The following WNK1 variants were observed in gnomAD, a reference collection of about 807,000 sequenced individuals.
WNK1 encodes the protein serine/threonine-protein kinase WNK1.
WNK1 carries 38 observed loss-of-function variants against 222.8 expected under a neutral mutation model. The ratio of observed to expected loss-of-function variants is 0.17; its 90% confidence interval spans 0.13 to 0.22. The LOEUF is 0.22. WNK1 is among the 10% of genes least tolerant of loss of function. The pLI, the probability that WNK1 is intolerant of heterozygous loss-of-function variation, is 1.00. For missense variants in WNK1, 2,348 were observed against 2,918.4 expected (o/e 0.80, Z 4.50); for synonymous variants, 1,090 against 1,092.9 (o/e 1.00, Z 0.05).
Position 882,076 on chromosome 12 carries a change from A to G in WNK1, c.3372+3A>G, listed in dbSNP as rs1426580785. 1.9e-6 allele frequency: 3 copies of G among 1,606,366 alleles called. No homozygotes were observed. The highest frequency in any genetic ancestry group is 2.6e-6 in the Non-Finnish European group (3 of 1,175,750). On this transcript the variant is annotated splice_donor_region_variant and intron_variant, in intron 14 of 27. Coordinates refer to ENST00000315939, the MANE Select transcript of WNK1 (RefSeq NM_018979.4). ...GCCCAAAATTAAGAATTTTGAATGT[A>G]AGTATTCCTAATTTGTGAGTTTCAT...
chr12:837,291 G>T (rs1949259245), intron 4 of WNK1, among the ~76,000 whole-genome samples: 1 of 152,140 alleles, frequency 6.6e-6, no homozygotes, highest in Admixed American at 6.5e-5. Flanking sequence ...ACAGCCGTGA[G>T]GGCTGGGCGC....
intron 19 of WNK1, 29 bp from the exon 20 acceptor site, chr12:887,192 G>A (rs529099386): frequency 1.9e-6 from 3 of 1,608,166 alleles, no homozygotes; most frequent in Admixed American, 1.7e-5. Flanking sequence ...AGCGTCTCAC[G>A]GACTTGATTT....
Position 827,351 on chromosome 12 carries a change from TA to T in WNK1, c.1153+92del. 1 of 1,183,220 alleles carries T rather than the reference TA, an allele frequency of 8.5e-7. No homozygotes were observed. The highest frequency in any genetic ancestry group is 1.3e-6 in the Non-Finnish European group (1 of 792,354). 73.3% of individuals were successfully genotyped at this position (1,183,220 alleles called of 1,614,324 possible). A position where few individuals can be genotyped will look rare whatever the true frequency, so the allele number is the denominator to read the frequency against. ...GGCTCTGTCAGAGTTTTAAGTGATATAAACCTTAAGAAATTCATAGCTTGAA... is the reference window on the plus strand; with the variant it reads ...GGCTCTGTCAGAGTTTTAAGTGATATAACCTTAAGAAATTCATAGCTTGAA... On this transcript the variant is annotated intron_variant, in intron 3 of 27. Coordinates refer to ENST00000315939, the MANE Select transcript of WNK1 (RefSeq NM_018979.4). This position sits in a 1 kb window ranked among gnomAD's most constrained non-coding sequence, Gnocchi z 4.6.
At chr12:875,935 G>A (rs1284265622) in intron 9 of WNK1, among the ~76,000 whole-genome samples, 2 of 151,988 alleles carry the variant, frequency 1.3e-5, no homozygotes, top group Non-Finnish European at 2.9e-5. Flanking sequence ...TGTTCAAGTT[G>A]GCAAATAAAA....
chr12:893,579 T>C (rs1386089098), intron 22 of WNK1, among the ~76,000 whole-genome samples: 1 of 152,032 alleles, frequency 6.6e-6, no homozygotes, highest in Non-Finnish European at 1.5e-5. Context: ...ATCCCAGCAC[T>C]TTGGGAGGCT....
chr12:885,455 T>TCCTCTC lies in WNK1; in HGVS notation c.4653_4658dup (p.Ser1552_Pro1553dup). ...CTCCCTCTCTGCACCATCTTCCTCT[T>TCCTCTC]CCTCTCCTGGAGCAGGAGTGTCTAG... On this transcript the variant is annotated inframe_insertion, in exon 19 of 28. Transcript: ENST00000315939. 3 of 1,613,932 alleles carry TCCTCTC rather than the reference T, an allele frequency of 1.9e-6. No homozygotes were observed. The South Asian group carries it at 3.3e-5, about 18-fold the overall frequency.
At chr12:853,692 A>G (rs1038562915) in intron 4 of WNK1, among the ~76,000 whole-genome samples, 1 of 152,234 alleles carries the variant, frequency 6.6e-6, no homozygotes, top group Non-Finnish European at 1.5e-5. Flanking sequence ...TTAAATTAAT[A>G]CATAGTTTTA....
intron 1 of WNK1, among the ~76,000 whole-genome samples, chr12:769,936 G>C (rs1321111724): frequency 6.6e-6 from 1 of 151,786 alleles, no homozygotes; most frequent in East Asian, 1.9e-4. Context: ...CATGGAGGCA[G>C]AGCCCCACTT....
intron 4 of WNK1, among the ~76,000 whole-genome samples, chr12:853,737 A>G (rs1379924814): frequency 6.6e-6 from 1 of 152,190 alleles, no homozygotes; most frequent in East Asian, 1.9e-4. Flanking sequence ...CTTGAAATGT[A>G]TGTGCTTATG....
At chr12:774,245 C>T (rs542807548) in intron 1 of WNK1, among the ~76,000 whole-genome samples, 1 of 152,310 alleles carries the variant, frequency 6.6e-6, no homozygotes, top group East Asian at 1.9e-4. Context: ...ATTATTGTCT[C>T]TCCCTTCTCC....
In WNK1 at chr12:885,651, C is replaced by T; in HGVS notation, c.4847C>T (p.Thr1616Ile). ...GCCAATGTGCCTGCTGTACAGCAGA[C>T]ACTAATTCATAGTCAGCCTCAACCA... ...PVANVPAVQQTLIHSQPQPAL... is the reference protein window; with the variant it reads ...PVANVPAVQQILIHSQPQPAL... Residue 1616 changes from threonine to isoleucine, a missense_variant, in exon 19 of 28, where the codon ACA (threonine) becomes ATA (isoleucine). Thr to Ile is a moderately conservative substitution (Grantham distance 89). Transcript: ENST00000315939. 6.2e-7 allele frequency: 1 copy of T among 1,614,202 alleles called. No individual in the cohort carries two copies. The highest frequency in any genetic ancestry group is 1.1e-5 in the South Asian group (1 of 91,086).
chr12:764,900 G>C (rs898919771), intron 1 of WNK1, among the ~76,000 whole-genome samples: 2 of 147,298 alleles, frequency 1.4e-5, no homozygotes, highest in African/African-American at 4.9e-5. Context: ...GTGCAGTGGC[G>C]TGATCTTGGC....
chr12:900,429 T>TG, intron 25 of WNK1, 47 bp from the exon 26 acceptor site: 1 of 1,604,292 alleles, frequency 6.2e-7, no homozygotes, highest in Non-Finnish European at 8.5e-7. Flanking sequence ...GATGAGTGCA[T>TG]GGGAAGAGCT....
intron 1 of WNK1, among the ~76,000 whole-genome samples, chr12:805,691 C>G (rs895971820): frequency 6.6e-6 from 1 of 152,068 alleles, no homozygotes; most frequent in African/African-American, 2.4e-5. Flanking sequence ...AGTTTGCTGA[C>G]ATTAGGACGT....
Position 861,227 on chromosome 12 carries a change from G to A in WNK1, c.1835G>A (p.Gly612Asp), listed in dbSNP as rs1951197079. The part of the protein sequence containing the change: ...GIKQLPSAST[G>D]IPTASTTSAS... ...AAGCAGCTCCCTTCTGCTAGCACCG[G>A]CATACCTACTGCTTCTACCACTTCA... The change falls in exon 7 of 28, where the codon GGC (glycine) becomes GAC (aspartate). Residue 612 changes from glycine (G) to aspartate (D), a missense_variant. This residue lies in a region of WNK1 where 103 missense variants were observed against 111.5 expected (regional missense o/e 0.92). Transcript: ENST00000315939. 1.9e-6 allele frequency: 3 copies of A among 1,613,962 alleles called. No homozygotes were observed. The highest frequency in any genetic ancestry group is 1.1e-5 in the South Asian group (1 of 91,070).
At chr12:803,285 TAGC>T (rs1255837873) in intron 1 of WNK1, among the ~76,000 whole-genome samples, 4 of 152,146 alleles carry the variant, frequency 2.6e-5, no homozygotes, top group Non-Finnish European at 4.4e-5. Flanking sequence ...ATAAACAAAA[TAGC>T]AGAATTGAGC....
At chr12:820,277 T>G (rs1042135331) in intron 2 of WNK1, among the ~76,000 whole-genome samples, 14 of 152,186 alleles carry the variant, frequency 9.2e-5, no homozygotes, top group Admixed American at 5.2e-4. Context: ...GTCTTTCACA[T>G]CCTTGGTTAA....
intron 1 of WNK1, among the ~76,000 whole-genome samples, chr12:789,991 G>A (rs939209095): frequency 1.3e-5 from 2 of 152,154 alleles, no homozygotes; most frequent in Non-Finnish European, 2.9e-5. Flanking sequence ...TCCATGATTG[G>A]GTTAGGCCAG....
intron 8 of WNK1, among the ~76,000 whole-genome samples, chr12:870,137 A>G (rs906555343): frequency 2.6e-5 from 4 of 152,106 alleles, no homozygotes; most frequent in African/African-American, 9.7e-5. Context: ...CTTTCTTCCT[A>G]TGTTCTTCCC....
Sources: gnomAD v4.1 joint callset for allele counts (sites outside exome capture counted in the v4.1 genomes callset) on GRCh38, gnomAD v4.1.1 for gene constraint, gnomAD v4.1.1 regional missense constraint, Gnocchi (gnomAD v3.1) non-coding constraint, MANE v1.5 for transcripts, NCBI Gene and HGNC (gene_info 2026-07-23, HGNC 2026-07-21) for gene names.